SYT1: variants seen among roughly 807,000 people sequenced by gnomAD.
SYT1 encodes synaptotagmin 1.
Under a neutral mutation model 44.8 loss-of-function variants are expected in SYT1, and 8 were observed. That is an observed-to-expected ratio of 0.18 (90% CI 0.10 to 0.32). The LOEUF is 0.32. SYT1 is among the 10% of genes least tolerant of loss of function. The pLI, the probability that SYT1 is intolerant of heterozygous loss-of-function variation, is 1.00. For synonymous variants in SYT1, 154 were observed against 188.8 expected, an observed-to-expected ratio of 0.82 and a Z score of 1.51; for missense variants, 286 against 509.3, an observed-to-expected ratio of 0.56 and a Z score of 4.22.
intron 1 of SYT1, among the ~76,000 whole-genome samples, chr12:78,877,138 G>A (rs543793476): frequency 6.6e-6 from 1 of 150,468 alleles, no homozygotes; most frequent in South Asian, 2.1e-4. Flanking sequence ...ACCCGAGACT[G>A]GGCAACTTAT....
At chr12:78,915,253 T>A (rs1876581870) in intron 1 of SYT1, among the ~76,000 whole-genome samples, 1 of 152,038 alleles carries the variant, frequency 6.6e-6, no homozygotes, top group Non-Finnish European at 1.5e-5. Flanking sequence ...TACAGAAGCA[T>A]CTGCAGAGAC....
chr12:79,205,108 G>A (rs1324821317), intron 3 of SYT1, among the ~76,000 whole-genome samples: 1 of 151,714 alleles, frequency 6.6e-6, no homozygotes, highest in Non-Finnish European at 1.5e-5. Context: ...GGGACTACAG[G>A]CGCCCACCAC....
chr12:79,291,748 T>C, intron 5 of SYT1: 1 of 559,246 alleles, frequency 1.8e-6, no homozygotes, highest in South Asian at 1.5e-5. Flanking sequence ...TTTGCAACAA[T>C]GTTACATTTT....
At chr12:79,020,065 T>G (rs1195722495) in intron 2 of SYT1, among the ~76,000 whole-genome samples, 1 of 151,930 alleles carries the variant, frequency 6.6e-6, no homozygotes, top group African/African-American at 2.4e-5. Context: ...AAATCCAACA[T>G]AAATTATTTG....
chr12:78,962,695 C>T (rs1879575221), intron 1 of SYT1, among the ~76,000 whole-genome samples: 1 of 151,908 alleles, frequency 6.6e-6, no homozygotes, highest in Admixed American at 6.6e-5. Flanking sequence ...CTCATAGGTA[C>T]AAGGAATTTG....
intron 4 of SYT1, among the ~76,000 whole-genome samples, chr12:79,226,388 C>T (rs1875523464): frequency 6.6e-6 from 1 of 152,118 alleles, no homozygotes; most frequent in Admixed American, 6.5e-5. Context: ...CTTTCTTTTG[C>T]TTCTCTTGGG....
At chr12:79,178,328 A>AT (rs111229840) in intron 3 of SYT1, among the ~76,000 whole-genome samples, 1,640 of 151,622 alleles carry the variant, frequency 0.011, 31 homozygotes, top group African/African-American at 0.037. Flanking sequence ...TTTTATTTCA[A>AT]TTTTTTTGTA....
chr12:78,891,687 G>A (rs1428874956), intron 1 of SYT1, among the ~76,000 whole-genome samples: 2 of 151,870 alleles, frequency 1.3e-5, no homozygotes, highest in East Asian at 1.9e-4. Context: ...TAGGATAAAA[G>A]GAAACTTTGT....
chr12:79,299,693 A>G (rs1880042399), intron 8 of SYT1, 142 bp downstream of exon 8: 1 of 982,782 alleles, frequency 1.0e-6, no homozygotes, highest in Non-Finnish European at 1.4e-6. Context: ...GGTCAAGGGC[A>G]CTGCACCACC....
chr12:79,389,451 G>C (rs1884567770), intron 9 of SYT1, among the ~76,000 whole-genome samples: 1 of 152,138 alleles, frequency 6.6e-6, no homozygotes, highest in Non-Finnish European at 1.5e-5. Context: ...CATTTAATAT[G>C]AATCAGGCAC....
intron 2 of SYT1, among the ~76,000 whole-genome samples, chr12:78,978,511 G>A (rs527322209): frequency 6.6e-6 from 1 of 152,274 alleles, no homozygotes; most frequent in South Asian, 2.1e-4. Context: ...CATAATTTGG[G>A]TTGTAAAGTA....
chr12:79,411,525 G>C (rs566098168), intron 9 of SYT1, among the ~76,000 whole-genome samples: 4 of 152,150 alleles, frequency 2.6e-5, no homozygotes, highest in Non-Finnish European at 4.4e-5. Flanking sequence ...ATCATTGTCA[G>C]ATCATACAGT....
intron 1 of SYT1, among the ~76,000 whole-genome samples, chr12:78,948,305 C>A (rs1045872355): frequency 6.6e-6 from 1 of 151,916 alleles, no homozygotes; most frequent in Non-Finnish European, 1.5e-5. Flanking sequence ...TGTATTATTT[C>A]ATCGAGAAAT....
chr12:79,126,994 A>T (rs116754493), intron 3 of SYT1, among the ~76,000 whole-genome samples: 2,225 of 152,294 alleles, frequency 0.015, 51 homozygotes, highest in African/African-American at 0.051. Context: ...GCCCACCAGG[A>T]AGAGACACTT....
At chr12:78,962,275 G>A (rs914625593) in intron 1 of SYT1, among the ~76,000 whole-genome samples, 16 of 150,872 alleles carry the variant, frequency 1.1e-4, no homozygotes, top group Middle Eastern at 3.5e-3. Context: ...AACTTAATAC[G>A]AGGTAAAGTA....
At position 79,062,063 on chromosome 12, in the gene SYT1, G is replaced by T. The variant is rs571329180; in HGVS notation, c.-18+14701G>T. Among the ~76,000 whole-genome samples, 3 of 152,222 alleles carry T rather than the reference G, an allele frequency of 2.0e-5. No homozygotes were observed. The South Asian group carries it at 6.2e-4, about 32-fold the overall frequency. ...ATAGGCATGATTAAAGATTTTAAGT[G>T]TATGACTTTGCATTTTGATCAGAGT... On this transcript the variant is annotated intron_variant, in intron 3 of 10. Transcript: ENST00000261205.
intron 3 of SYT1, among the ~76,000 whole-genome samples, chr12:79,104,798 T>G (rs183335379): frequency 5.2e-4 from 79 of 152,118 alleles, no homozygotes; most frequent in African/African-American, 1.7e-3. Flanking sequence ...ACTTGAAAGT[T>G]GTTTGAAAGA....
At chr12:79,289,278 T>C (rs1879457166) in intron 5 of SYT1, among the ~76,000 whole-genome samples, 1 of 152,210 alleles carries the variant, frequency 6.6e-6, no homozygotes, top group Non-Finnish European at 1.5e-5. Context: ...TTATCAAACC[T>C]CAGTACTGCT....
At position 79,451,682 on chromosome 12, in the gene SYT1, C is replaced by T. The variant is rs1267421194; in HGVS notation, c.*2558C>T. ...TTCATCCTCAAATAAGCCACATGTA[C>T]CCTTCTGACAAAGCTGTGTAAAGTA... On this transcript the variant is annotated 3_prime_UTR_variant, in exon 11 of 11. Transcript: ENST00000261205. 6.6e-6 allele frequency: 1 copy of T among 152,134 alleles called. No homozygotes were observed. The highest frequency in any genetic ancestry group is 6.5e-5 in the Admixed American group (1 of 15,278). The allele number at this position is 152,134 out of a possible 1,614,324, so 9.4% of individuals were successfully genotyped here. A position where few individuals can be genotyped will look rare whatever the true frequency, so the allele number is the denominator to read the frequency against.
Sources: allele counts gnomAD v4.1 joint callset (sites outside exome capture counted in the v4.1 genomes callset), GRCh38; gene constraint gnomAD v4.1.1; transcripts MANE v1.5; gene names NCBI Gene and HGNC (gene_info 2026-07-23, HGNC 2026-07-21).